Variants in CLEC16A observed in about 807,000 individuals in gnomAD.
CLEC16A encodes protein CLEC16A.
Under a neutral mutation model 109.5 loss-of-function variants are expected in CLEC16A, and 51 were observed. The observed-to-expected ratio is 0.47, with a 90% confidence interval of 0.37 to 0.59. The LOEUF (loss-of-function observed/expected upper bound fraction) is 0.59. Among genes scored for constraint, CLEC16A ranks in the 20% least tolerant of loss-of-function variants. The probability of loss-of-function intolerance (pLI) is 0.00; values close to 1 mark genes in which losing one functional copy is unlikely to be tolerated. For synonymous variants in CLEC16A, 673 were observed against 564.2 expected, an observed-to-expected ratio of 1.19 and a Z score of -2.73; for missense variants, 1,339 against 1,394.0, an observed-to-expected ratio of 0.96 and a Z score of 0.63.
intron 22 of CLEC16A, among the ~76,000 whole-genome samples, chr16:11,142,920 C>A (rs1477288876): frequency 6.6e-6 from 1 of 152,202 alleles, no homozygotes; most frequent in Non-Finnish European, 1.5e-5. Context: ...AAGTGATTCT[C>A]CTGCCTCAGC....
At chr16:10,958,517 A>G (rs139323810) in intron 2 of CLEC16A, among the ~76,000 whole-genome samples, 1 of 152,322 alleles carries the variant, frequency 6.6e-6, no homozygotes, top group Non-Finnish European at 1.5e-5. Flanking sequence ...CTTTACCTTT[A>G]AAAGAGAGAG....
At chr16:11,114,178 T>TGTGTGTGTGTGTGTGTGTGTGTG (rs1567337380) in intron 19 of CLEC16A, among the ~76,000 whole-genome samples, 2 of 145,320 alleles carry the variant, frequency 1.4e-5, no homozygotes, top group African/African-American at 5.1e-5. Flanking sequence ...TGTGTGTGTG[T>TGTGTGTGTGTGTGTGTGTGTGTG]TTATTGGCAA....
At chr16:11,138,100 A>C (rs1266147280) in intron 22 of CLEC16A, among the ~76,000 whole-genome samples, 2 of 152,000 alleles carry the variant, frequency 1.3e-5, no homozygotes, top group Non-Finnish European at 2.9e-5. Flanking sequence ...TTTTAAAGGA[A>C]CTTTTACAAT....
At chr16:11,109,934 G>A (rs953613429) in intron 19 of CLEC16A, among the ~76,000 whole-genome samples, 5 of 152,190 alleles carry the variant, frequency 3.3e-5, no homozygotes, top group African/African-American at 9.6e-5. Context: ...ATATCCCCCT[G>A]TAAGGAAAAA....
At chr16:11,139,380 T>A (rs1405508536) in intron 22 of CLEC16A, among the ~76,000 whole-genome samples, 1 of 152,270 alleles carries the variant, frequency 6.6e-6, no homozygotes, top group African/African-American at 2.4e-5. Flanking sequence ...AATACAGTTT[T>A]CTTTATTTGC....
rs923442927 is a variant in CLEC16A, at chr16:11,179,245, G to A, written c.*555G>A. 3.9e-5 allele frequency: 6 copies of A among 152,366 alleles called. No individual in the cohort carries two copies. Among genetic ancestry groups the A allele is most frequent in the African/African-American group, 1.4e-4 (6 of 41,454 alleles). The allele number at this position is 152,366 out of a possible 1,614,324, so 9.4% of individuals were successfully genotyped here. ...TCATGTGAAAAGTGTAATAATAACA[G>A]TTAAGATTTCATGATCATTTTCACT... On this transcript the variant is annotated 3_prime_UTR_variant, in exon 24 of 24. Coordinates refer to ENST00000409790, the MANE Select transcript of CLEC16A (RefSeq NM_015226.3).
chr16:11,049,369 A>C (rs1056846423), intron 17 of CLEC16A, among the ~76,000 whole-genome samples: 42 of 152,114 alleles, frequency 2.8e-4, no homozygotes, highest in African/African-American at 1.0e-3. Context: ...GCTGTATATG[A>C]AATAGCCAAC....
chr16:11,044,251 C>T, intron 16 of CLEC16A, 179 bp downstream of exon 16: 1 of 454,292 alleles, frequency 2.2e-6, no homozygotes, highest in Admixed American at 4.2e-5. Flanking sequence ...ACTTTTCTGT[C>T]CAAGCTGTCT....
intron 15 of CLEC16A, among the ~76,000 whole-genome samples, chr16:11,043,322 A>G (rs915409803): frequency 1.3e-5 from 2 of 152,176 alleles, no homozygotes; most frequent in African/African-American, 2.4e-5. Context: ...AGGCTGGAAG[A>G]TTGCCTGAAC....
rs1474541661 is a variant in CLEC16A at position 11,156,647 on chromosome 16, C to G, written c.2642-9741C>G. 5 of 1,304,308 alleles carry G rather than the reference C, an allele frequency of 3.8e-6. No homozygotes were observed. In the East Asian group the frequency reaches 1.7e-4, roughly 43 times the overall value. 80.8% of individuals were successfully genotyped at this position (1,304,308 alleles called of 1,614,324 possible). A position where few individuals can be genotyped will look rare whatever the true frequency, so the allele number is the denominator to read the frequency against. Reference sequence around the variant, plus strand: ...GCTTGCTAGTGCCTTGGCTGACAGACTGTTGTGGAGGTCTTTGCTTGCTAA... The same window carrying G: ...GCTTGCTAGTGCCTTGGCTGACAGAGTGTTGTGGAGGTCTTTGCTTGCTAA... On this transcript the variant is annotated intron_variant, in intron 22 of 23. Transcript: ENST00000409790.
chr16:11,154,871 G>A (rs1000988247), intron 22 of CLEC16A, among the ~76,000 whole-genome samples: 2 of 152,144 alleles, frequency 1.3e-5, no homozygotes, highest in Admixed American at 1.3e-4. Flanking sequence ...AGGTTGTAGT[G>A]AGCTGAGATC....
chr16:11,118,925 T>G (rs2052201794), intron 19 of CLEC16A, among the ~76,000 whole-genome samples: 1 of 152,256 alleles, frequency 6.6e-6, no homozygotes, highest in Non-Finnish European at 1.5e-5. Flanking sequence ...CTTATCAGTT[T>G]CATTGAAGAT....
rs1036810161 is a variant in CLEC16A at position 11,126,124 on chromosome 16, T to G, written c.2619T>G (p.Phe873Leu). 6.2e-7 allele frequency: 1 copy of G among 1,613,786 alleles called. No individual in the cohort carries two copies. The highest frequency in any genetic ancestry group is 8.5e-7 in the Non-Finnish European group (1 of 1,179,862). Residue 873 changes from phenylalanine to leucine, a missense_variant, in exon 22 of 24, where the codon TTT becomes TTG. By Grantham distance (22) the Phe-to-Leu change is conservative (BLOSUM62 0). Coordinates refer to ENST00000409790, the MANE Select transcript of CLEC16A (RefSeq NM_015226.3). Reference protein sequence around the residue: ...SSDPTVQRSVFASVDKVPGFA... With the variant: ...SSDPTVQRSVLASVDKVPGFA... Reference sequence around the variant, plus strand: ...ACCCCACAGTGCAGCGCTCCGTGTTTGCATCGGTGGACAAGGTGCCAGGTG... The same window carrying G: ...ACCCCACAGTGCAGCGCTCCGTGTTGGCATCGGTGGACAAGGTGCCAGGTG...
chr16:10,997,509 GATAAA>G (rs1451967714), intron 10 of CLEC16A, among the ~76,000 whole-genome samples: 7 of 152,188 alleles, frequency 4.6e-5, no homozygotes, highest in African/African-American at 1.7e-4. Context: ...TTTAAATTGT[GATAAA>G]ATAAACATAA....
At chr16:11,157,246 T>A in intron 22 of CLEC16A, 1 of 1,201,470 alleles carries the variant, frequency 8.3e-7, no homozygotes, top group Non-Finnish European at 1.1e-6. Flanking sequence ...GCCTAGTCAG[T>A]GATCAGTGAT....
chr16:10,965,254 T>C (rs1359688563), intron 3 of CLEC16A, among the ~76,000 whole-genome samples: 1 of 152,190 alleles, frequency 6.6e-6, no homozygotes, highest in Non-Finnish European at 1.5e-5. Flanking sequence ...GCAAAAAGGG[T>C]AGAAATCATT....
chr16:11,161,239 T>G (rs1169639123), intron 22 of CLEC16A, among the ~76,000 whole-genome samples: 1 of 152,164 alleles, frequency 6.6e-6, no homozygotes, highest in Non-Finnish European at 1.5e-5. Flanking sequence ...CCTGCTTAGG[T>G]AGGCCGACTC....
intron 13 of CLEC16A, chr16:11,027,390 G>A: frequency 7.1e-7 from 1 of 1,412,130 alleles, no homozygotes. Context: ...CTTTGTAAAA[G>A]TCACCCCCCA....
intron 22 of CLEC16A, among the ~76,000 whole-genome samples, chr16:11,129,276 C>G (rs1199379855): frequency 2.0e-5 from 3 of 152,248 alleles, no homozygotes; most frequent in South Asian, 4.1e-4. Context: ...TCAATATATA[C>G]TTCTTGAATA....
Sources: gnomAD v4.1 joint callset for allele counts (sites outside exome capture counted in the v4.1 genomes callset) on GRCh38, gnomAD v4.1.1 for gene constraint, MANE v1.5 for transcripts, NCBI Gene and HGNC (gene_info 2026-07-23, HGNC 2026-07-21) for gene names.